Variants in VWA3A observed in about 807,000 individuals in gnomAD.
The protein encoded by VWA3A is von Willebrand factor A domain-containing protein 3A.
VWA3A carries 134 observed loss-of-function variants against 160.4 expected under a neutral mutation model. That is an observed-to-expected ratio of 0.84 (90% CI 0.73 to 0.96). The LOEUF is 0.96. Among genes scored for constraint, VWA3A ranks in the 40% least tolerant of loss-of-function variants. The pLI, the probability that VWA3A is intolerant of heterozygous loss-of-function variation, is 0.00. For synonymous variants in VWA3A, 476 were observed against 543.4 expected (o/e 0.88, Z 1.72); for missense variants, 1,310 against 1,447.9 (o/e 0.90, Z 1.55).
intron 6 of VWA3A, among the ~76,000 whole-genome samples, chr16:22,103,809 G>T (rs551591109): frequency 4.2e-4 from 64 of 152,204 alleles, no homozygotes; most frequent in African/African-American, 1.5e-3. Flanking sequence ...CCAGTAAAAA[G>T]GAACTTCACT....
intron 17 of VWA3A, among the ~76,000 whole-genome samples, chr16:22,127,679 C>CCATT (rs2045875006): frequency 1.3e-5 from 2 of 151,982 alleles, no homozygotes; most frequent in African/African-American, 4.8e-5. Flanking sequence ...ATTTATTTAC[C>CCATT]CATTCATTCA....
rs2045543409 is a variant in VWA3A, at chr16:22,110,877, T to C, written c.583-11T>C. Reference sequence around the variant, plus strand: ...GGCTGTGGGAGCCAGTGATGTCCTTTTGTCCAACAGAGCCTCATCGATGAG... The same window carrying C: ...GGCTGTGGGAGCCAGTGATGTCCTTCTGTCCAACAGAGCCTCATCGATGAG... On this transcript the variant is annotated splice_polypyrimidine_tract_variant and intron_variant, in intron 7 of 33. Transcript: ENST00000389398. 2 of 1,596,596 alleles carry C rather than the reference T, an allele frequency of 1.3e-6. No individual in the cohort carries two copies. Among genetic ancestry groups the C allele is most frequent in the Admixed American group, 1.8e-5 (1 of 56,902 alleles).
At chr16:22,101,348 T>C (rs1323904471) in intron 5 of VWA3A, among the ~76,000 whole-genome samples, 1 of 152,216 alleles carries the variant, frequency 6.6e-6, no homozygotes, top group Non-Finnish European at 1.5e-5. Context: ...CAATGTCAAA[T>C]TGATTGCGTT....
At chr16:22,112,296 T>C (rs2045563892) in intron 8 of VWA3A, among the ~76,000 whole-genome samples, 1 of 152,180 alleles carries the variant, frequency 6.6e-6, no homozygotes. Context: ...ATGATTGTAT[T>C]TAGTATATAA....
At chr16:22,149,696 A>C in intron 28 of VWA3A, 91 bp from the exon 29 acceptor site, 1 of 1,398,014 alleles carries the variant, frequency 7.2e-7, no homozygotes, top group Non-Finnish European at 9.5e-7. Flanking sequence ...TCATGAGGGT[A>C]ACTTATCTGA....
chr16:22,116,291 AGAAG>A (rs1307110480), intron 9 of VWA3A: 2 of 424,056 alleles, frequency 4.7e-6, no homozygotes, highest in Admixed American at 3.0e-5. Context: ...AAGGAAGGAA[AGAAG>A]GAAGAGAGAA....
intron 17 of VWA3A, 23 bp from the exon 18 acceptor site, chr16:22,131,182 C>T (rs375278595): frequency 6.6e-5 from 107 of 1,611,580 alleles, no homozygotes; most frequent in Non-Finnish European, 7.7e-5. Flanking sequence ...AGCCTAAGAA[C>T]GAACTCTCTT....
chr16:22,118,085 A>G (rs891238137), intron 11 of VWA3A, among the ~76,000 whole-genome samples: 1 of 152,144 alleles, frequency 6.6e-6, no homozygotes, highest in African/African-American at 2.4e-5. Flanking sequence ...GTTTGAGACT[A>G]GCCTAGGCAA....
chr16:22,115,970 G>A (rs2045633806), intron 9 of VWA3A, among the ~76,000 whole-genome samples: 1 of 110,592 alleles, frequency 9.0e-6, no homozygotes, highest in Non-Finnish European at 1.8e-5. Flanking sequence ...GAGGGAGGGA[G>A]GGAGAGAGAG....
intron 25 of VWA3A, 61 bp downstream of exon 25, chr16:22,142,826 C>A: frequency 3.9e-6 from 5 of 1,271,594 alleles, no homozygotes; most frequent in South Asian, 2.6e-5. Context: ...TGTCCACCAA[C>A]CATTACTTCT....
At position 22,094,526 on chromosome 16, in the gene VWA3A, A is replaced by AT. The variant is rs201958836; in HGVS notation, c.14+1882dup. Among the ~76,000 whole-genome samples the AT allele has an allele frequency of 3.1e-3, 468 of 151,930 alleles. 1 individual carries two copies. The highest frequency in any genetic ancestry group is 0.011 in the African/African-American group (451 of 41,406). On this transcript the variant is annotated intron_variant, in intron 1 of 33. Transcript: ENST00000389398. ...TCTCACTTGCTGTGTCTTAGCTGGT[A>AT]TTTTTTTGGTTGCAAATAACAGAAA...
intron 17 of VWA3A, among the ~76,000 whole-genome samples, chr16:22,128,094 G>A (rs1464452472): frequency 1.3e-5 from 2 of 152,192 alleles, no homozygotes; most frequent in African/African-American, 4.8e-5. Context: ...CCATCAGGTA[G>A]TTCAGCATGG....
chr16:22,143,746 TTTC>T (rs201560180), intron 25 of VWA3A, among the ~76,000 whole-genome samples: 9,779 of 119,420 alleles, frequency 0.082, 415 homozygotes, highest in East Asian at 0.26. Flanking sequence ...TCTTTCTTTC[TTTC>T]TTTTTTTTTT....
intron 16 of VWA3A, 101 bp from the exon 17 acceptor site, chr16:22,126,077 G>T: frequency 6.6e-7 from 1 of 1,524,772 alleles, no homozygotes. Context: ...AATTTGGCAT[G>T]CAAAATTCCC....
intron 14 of VWA3A, among the ~76,000 whole-genome samples, chr16:22,122,308 G>C (rs28464362): frequency 8.7e-5 from 13 of 149,984 alleles, no homozygotes; most frequent in South Asian, 8.4e-4. Context: ...TGGATGGATG[G>C]ATGCATGGAT....
chr16:22,126,148 T>C (rs754880115), intron 16 of VWA3A, 30 bp from the exon 17 acceptor site: 2 of 1,612,204 alleles, frequency 1.2e-6, no homozygotes, highest in Non-Finnish European at 1.7e-6. Flanking sequence ...GAGATTCGGT[T>C]CTCCTCTTAA....
chr16:22,150,223 G>A (rs2046325007), intron 29 of VWA3A, among the ~76,000 whole-genome samples: 1 of 152,118 alleles, frequency 6.6e-6, no homozygotes, highest in African/African-American at 2.4e-5. Context: ...CCAACATGGT[G>A]AAACCCCGTC....
chr16:22,115,923 A>ACGGAAGGAAGG (rs1567203044), intron 9 of VWA3A, among the ~76,000 whole-genome samples: 4 of 19,560 alleles, frequency 2.0e-4, no homozygotes, highest in Non-Finnish European at 2.8e-4. Flanking sequence ...GGAAGGAAGG[A>ACGGAAGGAAGG]AAGGAAAGGA....
intron 5 of VWA3A, among the ~76,000 whole-genome samples, chr16:22,101,146 C>A (rs1367054095): frequency 6.6e-6 from 1 of 151,850 alleles, no homozygotes; most frequent in Non-Finnish European, 1.5e-5. Context: ...AATCCTAGCG[C>A]TTTGAGAGAC....
Sources: allele counts gnomAD v4.1 joint callset (sites outside exome capture counted in the v4.1 genomes callset), GRCh38; gene constraint gnomAD v4.1.1; transcripts MANE v1.5; gene names NCBI Gene and HGNC (gene_info 2026-07-23, HGNC 2026-07-21).